GRAMD2B: variants seen among roughly 807,000 people sequenced by gnomAD.
The protein encoded by GRAMD2B is GRAM domain containing 2B.
GRAMD2B carries 41 observed loss-of-function variants against 59.2 expected under a neutral mutation model. The ratio of observed to expected loss-of-function variants is 0.69; its 90% CI spans 0.54 to 0.90. The LOEUF (loss-of-function observed/expected upper bound fraction) is 0.90, where lower values mean the gene tolerates loss of function less well. Ranked by LOEUF, GRAMD2B falls within the 40% of genes least tolerant of loss-of-function variation. GRAMD2B has a pLI of 0.00. For missense variants in GRAMD2B, 424 were observed against 500.5 expected, an observed-to-expected ratio of 0.85 and a Z score of 1.46; for synonymous variants, 161 against 182.7, an observed-to-expected ratio of 0.88 and a Z score of 0.96.
chr5:126,445,268 G>A (rs111340213), intron 1 of GRAMD2B, among the ~76,000 whole-genome samples: 1 of 152,044 alleles, frequency 6.6e-6, no homozygotes, highest in Admixed American at 6.5e-5. Context: ...TTAAGGAATT[G>A]CCACACTCTC....
intron 1 of GRAMD2B, among the ~76,000 whole-genome samples, chr5:126,412,732 C>A (rs1169210133): frequency 6.6e-6 from 1 of 152,072 alleles, no homozygotes; most frequent in Non-Finnish European, 1.5e-5. Flanking sequence ...ATAACTCCAT[C>A]TGATCCAGGG....
chr5:126,454,987 C>A (rs1212674845), intron 1 of GRAMD2B, among the ~76,000 whole-genome samples: 2 of 152,190 alleles, frequency 1.3e-5, no homozygotes, highest in Non-Finnish European at 2.9e-5. Flanking sequence ...ACTACAATTT[C>A]TCTTGTGTTC....
chr5:126,473,358 A>G lies in GRAMD2B; in HGVS notation c.476A>G (p.Lys159Arg). ...WICFHSKVFG[K>R]DTKISIPAFS... is the part of the protein sequence containing the mutation. ...TGTTTTCATTCCAAAGTCTTTGGAA[A>G]AGACACAAAGGTTGGTATAATTAAA... Residue 159 changes from lysine (K) to arginine (R), a missense_variant, in exon 5 of 14, where the codon AAA becomes AGA. Lys to Arg is a conservative substitution (Grantham distance 26, BLOSUM62 2). Coordinates refer to ENST00000285689, the MANE Select transcript of GRAMD2B (RefSeq NM_023927.4). 1 of 1,412,138 alleles carries G rather than the reference A, an allele frequency of 7.1e-7. No individual in the cohort carries two copies. The highest frequency in any genetic ancestry group is 1.4e-5 in the South Asian group (1 of 73,578). 87.5% of individuals were successfully genotyped at this position (1,412,138 alleles called of 1,614,324 possible).
At chr5:126,492,606 A>G (rs2127000221) in intron 13 of GRAMD2B, among the ~76,000 whole-genome samples, 1 of 152,204 alleles carries the variant, frequency 6.6e-6, no homozygotes, top group Admixed American at 6.5e-5. Context: ...CTGAAGTCCC[A>G]GCTACTTGGG....
intron 1 of GRAMD2B, among the ~76,000 whole-genome samples, chr5:126,372,617 T>C (rs990635998): frequency 3.9e-5 from 6 of 152,324 alleles, no homozygotes; most frequent in South Asian, 2.1e-4. Flanking sequence ...TTTTGTAATA[T>C]ATCTATTTTC....
chr5:126,451,043 A>G (rs1765267641), intron 1 of GRAMD2B, among the ~76,000 whole-genome samples: 1 of 152,198 alleles, frequency 6.6e-6, no homozygotes, highest in Admixed American at 6.5e-5. Flanking sequence ...AGACCCCAGA[A>G]TGGTAGAGCC....
intron 1 of GRAMD2B, among the ~76,000 whole-genome samples, chr5:126,429,768 C>G (rs549442194): frequency 3.3e-5 from 5 of 152,196 alleles, no homozygotes; most frequent in Admixed American, 6.5e-5. Flanking sequence ...CGTGAGGACT[C>G]TTGTGACAGC....
chr5:126,412,206 T>C (rs1411954174), intron 1 of GRAMD2B, among the ~76,000 whole-genome samples: 1 of 152,090 alleles, frequency 6.6e-6, no homozygotes, highest in Non-Finnish European at 1.5e-5. Context: ...GGAAAATGCT[T>C]TCAGTTTTTG....
intron 1 of GRAMD2B, among the ~76,000 whole-genome samples, chr5:126,413,854 T>C (rs1759039050): frequency 6.6e-6 from 1 of 152,134 alleles, no homozygotes; most frequent in Non-Finnish European, 1.5e-5. Flanking sequence ...AATGATTCTA[T>C]AAAACAGTTG....
chr5:126,461,164 T>C (rs1301236331), intron 1 of GRAMD2B, among the ~76,000 whole-genome samples: 1 of 152,152 alleles, frequency 6.6e-6, no homozygotes, highest in South Asian at 2.1e-4. Context: ...TACCTTCAGC[T>C]ACTTATTTAC....
chr5:126,416,359 A>G (rs1759264815), intron 1 of GRAMD2B, among the ~76,000 whole-genome samples: 1 of 152,182 alleles, frequency 6.6e-6, no homozygotes, highest in Non-Finnish European at 1.5e-5. Flanking sequence ...GTGAAAAAAA[A>G]AGAGTAATTA....
intron 1 of GRAMD2B, among the ~76,000 whole-genome samples, chr5:126,383,171 G>A (rs1351072291): frequency 2.0e-5 from 3 of 152,140 alleles, no homozygotes; most frequent in African/African-American, 7.2e-5. Context: ...TATTTTGGAT[G>A]AATTTAGCTT....
In GRAMD2B at chr5:126,484,482, A is replaced by T; in HGVS notation, c.928A>T (p.Asn310Tyr). 6.2e-7 allele frequency: 1 copy of T among 1,614,198 alleles called. No individual in the cohort carries two copies. Among genetic ancestry groups the T allele is most frequent in the Non-Finnish European group, 8.5e-7 (1 of 1,180,020 alleles). Reference protein sequence around the residue: ...AKPTRADAHVNRVPEGKAKSL... With the variant: ...AKPTRADAHVYRVPEGKAKSL... Reference sequence around the variant, plus strand: ...GCCAACTCGGGCAGATGCCCATGTGAACAGAGTACCTGAAGGAAAAGCCAA... The same window carrying T: ...GCCAACTCGGGCAGATGCCCATGTGTACAGAGTACCTGAAGGAAAAGCCAA... Residue 310 changes from asparagine to tyrosine, a missense_variant, in exon 10 of 14, where the codon AAC (asparagine) becomes TAC (tyrosine). Coordinates refer to ENST00000285689, the MANE Select transcript of GRAMD2B (RefSeq NM_023927.4).
intron 1 of GRAMD2B, among the ~76,000 whole-genome samples, chr5:126,414,481 G>C (rs1580853036): frequency 2.0e-5 from 3 of 152,046 alleles, no homozygotes; most frequent in South Asian, 4.1e-4. Context: ...TGTTGTTGAG[G>C]CAGGGTCTCA....
In GRAMD2B at chr5:126,492,898, T is replaced by A. The variant is rs756596156; in HGVS notation, c.1258-17T>A. The A allele has an allele frequency of 6.4e-7, 1 of 1,557,102 alleles. No individual in the cohort carries two copies. The highest frequency in any genetic ancestry group is 2.2e-5 in the East Asian group (1 of 44,544). Reference sequence around the variant, plus strand: ...CATTCTATTTAATAATAGGAACTTCTTTTCTTTTATTTCAAGATACAAAAT... The same window carrying A: ...CATTCTATTTAATAATAGGAACTTCATTTCTTTTATTTCAAGATACAAAAT... On this transcript the variant is annotated splice_polypyrimidine_tract_variant and intron_variant, in intron 13 of 13. Transcript: ENST00000285689.
intron 5 of GRAMD2B, among the ~76,000 whole-genome samples, chr5:126,474,997 T>C (rs1291308276): frequency 6.6e-6 from 1 of 152,200 alleles, no homozygotes; most frequent in Non-Finnish European, 1.5e-5. Flanking sequence ...TCACTGCCAA[T>C]GGACCTCAGT....
chr5:126,402,775 A>G (rs1475402807), intron 1 of GRAMD2B, among the ~76,000 whole-genome samples: 1 of 151,820 alleles, frequency 6.6e-6, no homozygotes, highest in Non-Finnish European at 1.5e-5. Flanking sequence ...CAAGGATATT[A>G]TGTAATATAC....
In GRAMD2B at chr5:126,423,649, A is replaced by G. The variant is rs774326687; in HGVS notation, c.43A>G (p.Lys15Glu). 8.1e-6 allele frequency: 13 copies of G among 1,609,090 alleles called. No homozygotes were observed. Among genetic ancestry groups the G allele is most frequent in the South Asian group, 1.1e-5 (1 of 89,846 alleles). ...AGATGTGGAAGACACAAAGCCTGCG[A>G]AAGTGCTCGGGAAGAGGGAGAGCAA... is the stretch of plus-strand genomic sequence containing the variant. ...QQDVEDTKPA[K>E]VLGKRESKLG... Residue 15 changes from lysine (K) to glutamate (E), a missense_variant, in exon 1 of 14, where the codon AAA becomes GAA. Physicochemically the swap from Lys to Glu is moderately conservative, Grantham distance 56. Transcript: ENST00000285689.
At chr5:126,393,887 G>C (rs939114109) in intron 1 of GRAMD2B, among the ~76,000 whole-genome samples, 5 of 152,130 alleles carry the variant, frequency 3.3e-5, no homozygotes, top group Admixed American at 6.5e-5. Context: ...GAACCATCCT[G>C]AGTACCATGT....
Sources: gnomAD v4.1 joint callset for allele counts (sites outside exome capture counted in the v4.1 genomes callset) on GRCh38, gnomAD v4.1.1 for gene constraint, MANE v1.5 for transcripts, NCBI Gene and HGNC (gene_info 2026-07-23, HGNC 2026-07-21) for gene names.